LPP: variants seen among roughly 807,000 people sequenced by gnomAD.
LPP encodes the protein LIM domain containing preferred translocation partner in lipoma, also known as lipoma-preferred partner.
In LPP, 38 loss-of-function variants were observed where a neutral mutation model predicts 60.4. That is an observed-to-expected ratio of 0.63 (90% CI 0.49 to 0.83). The LOEUF (loss-of-function observed/expected upper bound fraction) is 0.83. LPP is among the 40% of genes least tolerant of loss of function. The probability of loss-of-function intolerance (pLI) is 0.00; values close to 1 mark genes in which losing one functional copy is unlikely to be tolerated. For missense variants in LPP, 902 were observed against 783.6 expected, an observed-to-expected ratio of 1.15 and a Z score of -1.80; for synonymous variants, 328 against 290.8, an observed-to-expected ratio of 1.13 and a Z score of -1.30.
intron 1 of LPP, among the ~76,000 whole-genome samples, chr3:188,224,731 A>G (rs974410004): frequency 1.3e-5 from 2 of 152,094 alleles, no homozygotes; most frequent in African/African-American, 4.8e-5. Flanking sequence ...TAGGCAGAGG[A>G]GTTGCCACAC....
chr3:188,460,833 A>G (rs1798807685), intron 4 of LPP, among the ~76,000 whole-genome samples: 1 of 152,154 alleles, frequency 6.6e-6, no homozygotes, highest in Non-Finnish European at 1.5e-5. Flanking sequence ...AGTTAGCCTC[A>G]TGTCAAAGTT....
At chr3:188,535,018 G>T (rs1823185879) in intron 6 of LPP, among the ~76,000 whole-genome samples, 1 of 151,560 alleles carries the variant, frequency 6.6e-6, no homozygotes. Flanking sequence ...ATTTCCTTAT[G>T]AATCTGTAAG....
chr3:188,818,314 A>G (rs1486095408), intron 9 of LPP, among the ~76,000 whole-genome samples: 2 of 152,170 alleles, frequency 1.3e-5, no homozygotes, highest in African/African-American at 4.8e-5. Context: ...ACTATTTAAT[A>G]GTTGATAGTA....
chr3:188,855,945 T>G (rs903243157), intron 9 of LPP, among the ~76,000 whole-genome samples: 7 of 152,188 alleles, frequency 4.6e-5, no homozygotes, highest in African/African-American at 1.7e-4. Context: ...TGTCAGCAAT[T>G]CTAGTTTAGT....
chr3:188,325,050 G>A (rs756470681), intron 2 of LPP, among the ~76,000 whole-genome samples: 6 of 151,686 alleles, frequency 4.0e-5, no homozygotes, highest in Non-Finnish European at 8.8e-5. Context: ...GTGCGATCTC[G>A]GCTCACTGCA....
At chr3:188,267,620 T>C (rs766782794) in intron 2 of LPP, among the ~76,000 whole-genome samples, 38 of 152,188 alleles carry the variant, frequency 2.5e-4, no homozygotes, top group Non-Finnish European at 5.3e-4. Flanking sequence ...TGGAGTTGCT[T>C]TAAGGCTCCC....
intron 3 of LPP, among the ~76,000 whole-genome samples, chr3:188,395,338 C>T (rs951200613): frequency 2.0e-5 from 3 of 152,242 alleles, no homozygotes; most frequent in East Asian, 3.9e-4. Context: ...TCCACCTCAG[C>T]CTCCCGAGTA....
chr3:188,324,334 TA>T (rs1356519788), intron 2 of LPP, among the ~76,000 whole-genome samples: 2 of 152,212 alleles, frequency 1.3e-5, no homozygotes, highest in East Asian at 3.8e-4. Context: ...ATTATTACCA[TA>T]AGTCCAACGT....
chr3:188,513,609 G>T (rs1816478013), intron 5 of LPP, among the ~76,000 whole-genome samples: 1 of 151,428 alleles, frequency 6.6e-6, no homozygotes, highest in South Asian at 2.1e-4. Flanking sequence ...AATTGTAAGG[G>T]GTTACTTTAA....
intron 6 of LPP, among the ~76,000 whole-genome samples, chr3:188,537,759 C>T (rs532211174): frequency 2.1e-4 from 32 of 152,120 alleles, no homozygotes; most frequent in Non-Finnish European, 4.3e-4. Context: ...TCCTTAAATT[C>T]ACGGATGTTC....
intron 6 of LPP, among the ~76,000 whole-genome samples, chr3:188,558,555 G>A (rs966924797): frequency 2.0e-5 from 3 of 152,170 alleles, no homozygotes; most frequent in Non-Finnish European, 2.9e-5. Context: ...GTGTGCTTCC[G>A]TTTCTGGGAT....
At chr3:188,863,876 T>C (rs972682113) in intron 9 of LPP, among the ~76,000 whole-genome samples, 1 of 151,500 alleles carries the variant, frequency 6.6e-6, no homozygotes, top group Non-Finnish European at 1.5e-5. Context: ...AGCTGAATCT[T>C]GCAGCCAAGC....
intron 7 of LPP, among the ~76,000 whole-genome samples, chr3:188,677,895 G>T (rs1383957968): frequency 6.6e-6 from 1 of 151,992 alleles, no homozygotes; most frequent in Non-Finnish European, 1.5e-5. Context: ...TTTACTCAAA[G>T]ACAGTAGCTT....
intron 5 of LPP, among the ~76,000 whole-genome samples, chr3:188,503,490 T>C (rs576861802): frequency 7.2e-5 from 11 of 152,298 alleles, no homozygotes; most frequent in African/African-American, 2.4e-4. Context: ...TTAGCTCTTA[T>C]AAGCGTCTGC....
intron 1 of LPP, among the ~76,000 whole-genome samples, chr3:188,211,402 T>G (rs1734648865): frequency 6.6e-6 from 1 of 152,100 alleles, no homozygotes; most frequent in South Asian, 2.1e-4. Context: ...AGAAAGCCTT[T>G]ACAACCAACA....
chr3:188,852,658 G>A (rs1421716293), intron 9 of LPP, among the ~76,000 whole-genome samples: 3 of 152,070 alleles, frequency 2.0e-5, no homozygotes, highest in African/African-American at 7.2e-5. Context: ...CAGTATGAAG[G>A]CCCTCACCAG....
chr3:188,399,048 C>A (rs930643268), intron 3 of LPP, among the ~76,000 whole-genome samples: 4 of 152,220 alleles, frequency 2.6e-5, no homozygotes, highest in Non-Finnish European at 5.9e-5. Context: ...AAGTCAAGAT[C>A]TTTCATAGAC....
intron 2 of LPP, among the ~76,000 whole-genome samples, chr3:188,270,074 A>T (rs1737189609): frequency 6.6e-6 from 1 of 152,078 alleles, no homozygotes; most frequent in Non-Finnish European, 1.5e-5. Flanking sequence ...AATCTGTGGT[A>T]ATAGAAAATC....
At chr3:188,732,977 A>G (rs1158673827) in intron 8 of LPP, among the ~76,000 whole-genome samples, 2 of 151,730 alleles carry the variant, frequency 1.3e-5, no homozygotes, top group Non-Finnish European at 2.9e-5. Context: ...CAATAGAGCA[A>G]AGTTGGGCCA....
Sources: gnomAD v4.1 joint callset for allele counts (sites outside exome capture counted in the v4.1 genomes callset) on GRCh38, gnomAD v4.1.1 for gene constraint, MANE v1.5 for transcripts, NCBI Gene and HGNC (gene_info 2026-07-23, HGNC 2026-07-21) for gene names.